PRDM16: variants seen among roughly 807,000 people sequenced by gnomAD.
PRDM16 encodes PR/SET domain 16, also known as histone-lysine N-methyltransferase PRDM16.
PRDM16 carries 23 observed loss-of-function variants against 110.6 expected under a neutral mutation model. The ratio of observed to expected loss-of-function variants is 0.21; its 90% CI spans 0.15 to 0.29. PRDM16 has a LOEUF of 0.29. Ranked by LOEUF, PRDM16 falls within the 10% of genes least tolerant of loss-of-function variation. The pLI, the probability that PRDM16 is intolerant of heterozygous loss-of-function variation, is 1.00. For synonymous variants in PRDM16, 799 were observed against 781.8 expected, an observed-to-expected ratio of 1.02 and a Z score of -0.37; for missense variants, 1,615 against 1,794.3, an observed-to-expected ratio of 0.90 and a Z score of 1.81.
intron 1 of PRDM16, among the ~76,000 whole-genome samples, chr1:3,118,244 C>T (rs1232422323): frequency 2.0e-5 from 3 of 152,198 alleles, no homozygotes; most frequent in Non-Finnish European, 2.9e-5. Context: ...TGCATACACA[C>T]GCACAGAGCT....
rs1397775977 is a variant in PRDM16 at position 3,246,746 on chromosome 1, A to G, written c.438+2609A>G. 6.6e-6 allele frequency among the ~76,000 whole-genome samples: 1 copy of G among 152,198 alleles called. No homozygotes were observed. The highest frequency in any genetic ancestry group is 2.4e-5 in the African/African-American group (1 of 41,458). On this transcript the variant is annotated intron_variant, in intron 3 of 16. Coordinates refer to ENST00000270722, the MANE Select transcript of PRDM16 (RefSeq NM_022114.4). This position sits in a 1 kb window ranked among gnomAD's most constrained non-coding sequence, Gnocchi z 5.2. Reference sequence around the variant, plus strand: ...CCAAGGCCATGCTGGTGGGAGAATCAGATCCCTAACCCCAGGGCTCAGACT... The same window carrying G: ...CCAAGGCCATGCTGGTGGGAGAATCGGATCCCTAACCCCAGGGCTCAGACT...
intron 1 of PRDM16, among the ~76,000 whole-genome samples, chr1:3,150,447 T>A (rs918764841): frequency 6.7e-6 from 1 of 149,422 alleles, no homozygotes; most frequent in South Asian, 2.1e-4. Context: ...TAGTCCCAGC[T>A]AATTGGGAGG....
At chr1:3,404,045 C>T (rs1276679583) in intron 6 of PRDM16, among the ~76,000 whole-genome samples, 2 of 152,202 alleles carry the variant, frequency 1.3e-5, no homozygotes, top group African/African-American at 4.8e-5. Flanking sequence ...GGAAAAGATA[C>T]AGTCTCCTGA....
At chr1:3,369,269 C>G (rs577198438) in intron 3 of PRDM16, among the ~76,000 whole-genome samples, 2 of 152,224 alleles carry the variant, frequency 1.3e-5, no homozygotes, top group Admixed American at 6.5e-5. Context: ...CACTTCCTAA[C>G]TTGCCGATCT....
chr1:3,381,055 C>G (rs576472217), intron 3 of PRDM16, among the ~76,000 whole-genome samples: 2 of 152,350 alleles, frequency 1.3e-5, no homozygotes, highest in East Asian at 3.9e-4. Flanking sequence ...ATCCACATTT[C>G]TGAGAGGGAA....
chr1:3,241,296 G>C (rs542704481), intron 2 of PRDM16, among the ~76,000 whole-genome samples: 1 of 152,254 alleles, frequency 6.6e-6, no homozygotes, highest in Non-Finnish European at 1.5e-5. Flanking sequence ...CAGCTGGGGG[G>C]GCTCTGCCTC....
At chr1:3,187,146 C>T (rs1644278803) in intron 2 of PRDM16, among the ~76,000 whole-genome samples, 1 of 152,216 alleles carries the variant, frequency 6.6e-6, no homozygotes, top group African/African-American at 2.4e-5. Flanking sequence ...GTGTCCTGCC[C>T]AGGTTGTGAG....
rs569285616 is a variant in PRDM16, at chr1:3,295,241, C to T, written c.438+51104C>T. On this transcript the variant is annotated intron_variant, in intron 3 of 16. Coordinates refer to ENST00000270722, the MANE Select transcript of PRDM16 (RefSeq NM_022114.4). The stretch of plus-strand genomic sequence containing the variant: ...GGTATCCAGGAAAGGCATCAGGTGG[C>T]GGGCAGGACAGCTGGCTTGCAGGGT... 4.6e-5 allele frequency among the ~76,000 whole-genome samples: 7 copies of T among 152,312 alleles called. No individual in the cohort carries two copies. The South Asian group carries it at 1.5e-3, about 32-fold the overall frequency.
At chr1:3,119,043 G>A (rs1643032223) in intron 1 of PRDM16, among the ~76,000 whole-genome samples, 1 of 152,234 alleles carries the variant, frequency 6.6e-6, no homozygotes, top group South Asian at 2.1e-4. Flanking sequence ...AGAGCTGGGG[G>A]TGGCCCGGGA....
intron 3 of PRDM16, among the ~76,000 whole-genome samples, chr1:3,275,998 C>T (rs1285795805): frequency 6.6e-6 from 1 of 152,224 alleles, no homozygotes; most frequent in Non-Finnish European, 1.5e-5. Flanking sequence ...CTGCGGCCTC[C>T]CCGGTCTCTC....
At chr1:3,381,162 G>A (rs893868765) in intron 3 of PRDM16, among the ~76,000 whole-genome samples, 27 of 152,228 alleles carry the variant, frequency 1.8e-4, no homozygotes, top group Middle Eastern at 6.8e-3. Context: ...ATACATGAAC[G>A]CACACACATA....
chr1:3,100,131 G>C (rs1642497856), intron 1 of PRDM16, among the ~76,000 whole-genome samples: 1 of 152,150 alleles, frequency 6.6e-6, no homozygotes, highest in Non-Finnish European at 1.5e-5. Flanking sequence ...TGGGAAGGAA[G>C]GGCCCTGCCC....
chr1:3,351,616 C>CTCCCTCTGTCCCG (rs1642491646), intron 3 of PRDM16, among the ~76,000 whole-genome samples: 1 of 61,708 alleles, frequency 1.6e-5, no homozygotes. Flanking sequence ...CTCTCTCCCC[C>CTCCCTCTGTCCCG]TCCCTCTCTC....
At chr1:3,276,405 G>T (rs1640583601) in intron 3 of PRDM16, among the ~76,000 whole-genome samples, 2 of 152,240 alleles carry the variant, frequency 1.3e-5, no homozygotes, top group African/African-American at 4.8e-5. Flanking sequence ...ACCTCTGGGA[G>T]CTCAGGAGGG....
At chr1:3,286,763 G>A (rs925009219) in intron 3 of PRDM16, among the ~76,000 whole-genome samples, 1 of 152,210 alleles carries the variant, frequency 6.6e-6, no homozygotes, top group Non-Finnish European at 1.5e-5. Flanking sequence ...CAGGAGACCT[G>A]CAAGCCTCAC....
chr1:3,187,533 A>C, intron 2 of PRDM16, among the ~76,000 whole-genome samples: 1 of 152,092 alleles, frequency 6.6e-6, no homozygotes, highest in South Asian at 2.1e-4. Context: ...GCCTGCCCCA[A>C]CTCAGACAGG....
At chr1:3,283,813 G>A (rs978999881) in intron 3 of PRDM16, among the ~76,000 whole-genome samples, 2 of 152,248 alleles carry the variant, frequency 1.3e-5, no homozygotes, top group African/African-American at 4.8e-5. Flanking sequence ...CAGCAAAGCC[G>A]GCTGGTGGTG....
intron 1 of PRDM16, among the ~76,000 whole-genome samples, chr1:3,124,760 A>G (rs968926657): frequency 1.3e-5 from 2 of 152,188 alleles, no homozygotes; most frequent in African/African-American, 4.8e-5. Flanking sequence ...GGTGGGCCCC[A>G]GCAGGATGGG....
rs965691685 is a variant in PRDM16 at position 3,290,634 on chromosome 1, G to A, written c.438+46497G>A. ...AGGATCCCTCCCAGGACGCAGTGGT[G>A]GGCCCAGGCCGGCCAGCGCTGGCTG... On this transcript the variant is annotated intron_variant, in intron 3 of 16. Transcript: ENST00000270722. The surrounding 1 kb of genome is among the most constrained non-coding windows in gnomAD (Gnocchi z 4.8). 2.0e-5 allele frequency among the ~76,000 whole-genome samples: 3 copies of A among 152,196 alleles called. No individual in the cohort carries two copies. Among genetic ancestry groups the A allele is most frequent in the African/African-American group, 7.2e-5 (3 of 41,462 alleles).
Sources: gnomAD v4.1 joint callset for allele counts (sites outside exome capture counted in the v4.1 genomes callset) on GRCh38, gnomAD v4.1.1 for gene constraint, Gnocchi (gnomAD v3.1) non-coding constraint, MANE v1.5 for transcripts, NCBI Gene and HGNC (gene_info 2026-07-23, HGNC 2026-07-21) for gene names.